CREG2: variants seen among roughly 807,000 people sequenced by gnomAD.
CREG2 encodes protein CREG2.
In CREG2, 24 loss-of-function variants were observed where a neutral mutation model predicts 26.2. The observed-to-expected ratio is 0.92, with a 90% CI of 0.66 to 1.29. CREG2 has a LOEUF of 1.29. CREG2 is among the 50% of genes most tolerant of loss of function. The probability of loss-of-function intolerance (pLI) is 0.00; values close to 1 mark genes in which losing one functional copy is unlikely to be tolerated. For synonymous variants in CREG2, 174 were observed against 169.2 expected, an observed-to-expected ratio of 1.03 and a Z score of -0.22; for missense variants, 366 against 398.6, an observed-to-expected ratio of 0.92 and a Z score of 0.70.
intron 2 of CREG2, among the ~76,000 whole-genome samples, chr2:101,372,654 T>G (rs1442649099): frequency 6.6e-6 from 1 of 152,210 alleles, no homozygotes; most frequent in African/African-American, 2.4e-5. Context: ...AATGTCAATA[T>G]TGAATCCTCA....
At chr2:101,361,587 T>C (rs1684540028) in intron 2 of CREG2, among the ~76,000 whole-genome samples, 1 of 152,228 alleles carries the variant, frequency 6.6e-6, no homozygotes, top group Non-Finnish European at 1.5e-5. Flanking sequence ...AAAAGGAACA[T>C]AGTTCTGCCA....
At chr2:101,353,964 C>A (rs1166944582) in intron 3 of CREG2, among the ~76,000 whole-genome samples, 1 of 151,938 alleles carries the variant, frequency 6.6e-6, no homozygotes, top group African/African-American at 2.4e-5. Flanking sequence ...CGGGGCCTGT[C>A]GGGGGGTGGA....
chr2:101,378,893 C>G (rs1386223878), intron 2 of CREG2, among the ~76,000 whole-genome samples: 2 of 151,968 alleles, frequency 1.3e-5, no homozygotes, highest in African/African-American at 4.8e-5. Context: ...GTAATCCCAG[C>G]TATTCAGGAC....
intron 2 of CREG2, among the ~76,000 whole-genome samples, chr2:101,357,093 T>C (rs1177170017): frequency 6.6e-6 from 1 of 152,222 alleles, no homozygotes; most frequent in African/African-American, 2.4e-5. Context: ...TTCACCATAT[T>C]GGCCAAGCTG....
intron 2 of CREG2, among the ~76,000 whole-genome samples, chr2:101,376,809 A>G (rs1329155648): frequency 1.3e-5 from 2 of 152,234 alleles, no homozygotes; most frequent in Non-Finnish European, 2.9e-5. Flanking sequence ...AATAATGGAC[A>G]GAGGGAAATA....
At position 101,382,344 on chromosome 2, in the gene CREG2, G is replaced by C. The variant is rs564546454; in HGVS notation, c.611+1189C>G. The C allele has an allele frequency of 1.4e-4, 39 of 277,182 alleles. No individual in the cohort carries two copies. The South Asian group carries it at 4.9e-3, about 35-fold the overall frequency. 17.2% of individuals were successfully genotyped at this position (277,182 alleles called of 1,614,324 possible). ...GAGGCAGGGAGAATTGCTTGAACCT[G>C]GGAGGCAGAGGTTCACGGTTGCAGT... On this transcript the variant is annotated intron_variant, in intron 2 of 3. Transcript: ENST00000324768.
At chr2:101,385,909 CTA>C (rs1558823470) in intron 1 of CREG2, among the ~76,000 whole-genome samples, 1 of 152,196 alleles carries the variant, frequency 6.6e-6, no homozygotes, top group African/African-American at 2.4e-5. Context: ...TGGCACGAGA[CTA>C]TTTAATTTCT....
In CREG2 at chr2:101,387,494, C is replaced by T; in HGVS notation, c.-37G>A. On this transcript the variant is annotated 5_prime_UTR_variant, in exon 1 of 4. Coordinates refer to ENST00000324768, the MANE Select transcript of CREG2 (RefSeq NM_153836.4). The surrounding 1 kb of genome is among the most constrained non-coding windows in gnomAD (Gnocchi z 4.7). ...CACGCCCGGCCGCCGGGGCCGCCAGCAGCGCTAGTGCCGGGGAGCCCGGCA... is the reference window on the plus strand; with the variant it reads ...CACGCCCGGCCGCCGGGGCCGCCAGTAGCGCTAGTGCCGGGGAGCCCGGCA... The T allele has an allele frequency of 1.3e-6, 1 of 794,094 alleles. No individual in the cohort carries two copies. The highest frequency in any genetic ancestry group is 1.7e-6 in the Non-Finnish European group (1 of 598,776). The allele number at this position is 794,094 out of a possible 1,614,324, so 49.2% of individuals were successfully genotyped here.
chr2:101,358,353 C>A (rs1684492296), intron 2 of CREG2, among the ~76,000 whole-genome samples: 3 of 152,132 alleles, frequency 2.0e-5, no homozygotes, highest in Admixed American at 6.5e-5. Flanking sequence ...CTCCCAGATC[C>A]AATCAGTCCC....
At position 101,355,335 on chromosome 2, in the gene CREG2, A is replaced by G; in HGVS notation, c.643T>C (p.Cys215Arg). The change falls in exon 3 of 4, where the codon TGT becomes CGT. Residue 215 changes from cysteine (C) to arginine (R), a missense_variant. By Grantham distance (180) the Cys-to-Arg change is radical. Coordinates refer to ENST00000324768, the MANE Select transcript of CREG2 (RefSeq NM_153836.4). Reference sequence around the variant, plus strand: ...TGGCCAGTGAGCGTTAACTGGACACATCGGGGATCTTCCGGATCAACGATG... The same window carrying G: ...TGGCCAGTGAGCGTTAACTGGACACGTCGGGGATCTTCCGGATCAACGATG... Reference protein sequence around the residue: ...KNIVDPEDPRCVQLTLTGQMI... With the variant: ...KNIVDPEDPRRVQLTLTGQMI... 1 of 1,613,940 alleles carries G rather than the reference A, an allele frequency of 6.2e-7. No homozygotes were observed. The highest frequency in any genetic ancestry group is 8.5e-7 in the Non-Finnish European group (1 of 1,179,794).
chr2:101,352,081 T>G (rs1684392758), intron 3 of CREG2, among the ~76,000 whole-genome samples: 1 of 151,848 alleles, frequency 6.6e-6, no homozygotes, highest in East Asian at 2.0e-4. Context: ...GCAGTCTCAC[T>G]ATGTTGCCCG....
In CREG2 at chr2:101,348,804, T is replaced by C. The variant is rs1684338246; in HGVS notation, c.*2119A>G. On this transcript the variant is annotated 3_prime_UTR_variant, in exon 4 of 4. Transcript: ENST00000324768. ...CTCTTTTTCTTGCCTTATTGCCATG[T>C]CTAGAACTTCCAGAACAGCCTCTAA... 1 of 152,212 alleles carries C rather than the reference T, an allele frequency of 6.6e-6. No individual in the cohort carries two copies. Among genetic ancestry groups the C allele is most frequent in the African/African-American group, 2.4e-5 (1 of 41,450 alleles). 9.4% of individuals were successfully genotyped at this position (152,212 alleles called of 1,614,324 possible).
chr2:101,383,582 T>C lies in CREG2; in HGVS notation c.562A>G (p.Asn188Asp), dbSNP rs567085520. The C allele has an allele frequency of 1.2e-6, 2 of 1,614,164 alleles. No homozygotes were observed. Among genetic ancestry groups the C allele is most frequent in the East Asian group, 4.5e-5 (2 of 44,886 alleles). ...GGCAGCATCAGCGAGGCCATGGGGTTCTTCATCAGATCAGCCACCACGGGG... is the reference window on the plus strand; with the variant it reads ...GGCAGCATCAGCGAGGCCATGGGGTCCTTCATCAGATCAGCCACCACGGGG... Reference protein sequence around the residue: ...KDPVVADLMKNPMASLMLPES... With the variant: ...KDPVVADLMKDPMASLMLPES... Residue 188 changes from asparagine to aspartate, a missense_variant, in exon 2 of 4, where the codon AAC becomes GAC. Transcript: ENST00000324768.
chr2:101,357,978 A>AG lies in CREG2; in HGVS notation c.612-2613_612-2612insC, dbSNP rs1316513269. ...GGCGACAGAGCGAGACTCCGTCTCA[A>AG]AAAAAAAAAAAAAAAGCTAGGCTAC... On this transcript the variant is annotated intron_variant, in intron 2 of 3. Transcript: ENST00000324768. Among the ~76,000 whole-genome samples, 64 of 18,850 alleles carry AG rather than the reference A, an allele frequency of 3.4e-3. 1 individual carries two copies. The highest frequency in any genetic ancestry group is 0.013 in the Non-Finnish European group (46 of 3,668). The allele number at this position is 18,850 out of a possible 152,430, so 12.4% of individuals were successfully genotyped here.
At chr2:101,369,053 G>A (rs1007715140) in intron 2 of CREG2, among the ~76,000 whole-genome samples, 8 of 152,214 alleles carry the variant, frequency 5.3e-5, no homozygotes, top group Non-Finnish European at 8.8e-5. Flanking sequence ...TTTAGGCTTC[G>A]CAGGATATGT....
At position 101,346,882 on chromosome 2, in the gene CREG2, T is replaced by C. The variant is rs185311530; in HGVS notation, c.*4041A>G. On this transcript the variant is annotated 3_prime_UTR_variant, in exon 4 of 4. Coordinates refer to ENST00000324768, the MANE Select transcript of CREG2 (RefSeq NM_153836.4). ...CATCTTGCTAAACTACAGTACAATA[T>C]CCCAACCAGGATTTTCACATTGATT... is the stretch of plus-strand genomic sequence containing the variant. 6.6e-6 allele frequency: 1 copy of C among 152,320 alleles called. No individual in the cohort carries two copies. The highest frequency in any genetic ancestry group is 2.4e-5 in the African/African-American group (1 of 41,574). 9.4% of individuals were successfully genotyped at this position (152,320 alleles called of 1,614,324 possible). A position where few individuals can be genotyped will look rare whatever the true frequency, so the allele number is the denominator to read the frequency against.
intron 2 of CREG2, among the ~76,000 whole-genome samples, chr2:101,369,661 AT>A (rs948220477): frequency 1.3e-5 from 2 of 152,108 alleles, no homozygotes; most frequent in African/African-American, 4.8e-5. Context: ...AAAGATGCGT[AT>A]TTCCATGTGC....
Position 101,348,484 on chromosome 2 carries a change from A to G in CREG2, c.*2439T>C, listed in dbSNP as rs957552618. ...TTAATTTCTTTTCTTAGCATTTAAA[A>G]ATTTTCACTACATAGGTCCTGGGTA... On this transcript the variant is annotated 3_prime_UTR_variant, in exon 4 of 4. Transcript: ENST00000324768. The G allele has an allele frequency of 6.6e-6, 1 of 152,130 alleles. No individual in the cohort carries two copies. The highest frequency in any genetic ancestry group is 2.4e-5 in the African/African-American group (1 of 41,420). 9.4% of individuals were successfully genotyped at this position (152,130 alleles called of 1,614,324 possible).
rs1299235289 is a variant in CREG2 at position 101,359,029 on chromosome 2, C to T, written c.612-3663G>A. The stretch of plus-strand genomic sequence containing the variant: ...CAGCCTGGGCGACAGAGCGAGACTC[C>T]GTCTCAAAAAAAAAAAAAAAAAAAA... On this transcript the variant is annotated intron_variant, in intron 2 of 3. Transcript: ENST00000324768. Among the ~76,000 whole-genome samples the T allele has an allele frequency of 4.3e-5, 3 of 69,734 alleles. 1 individual carries two copies. The highest frequency in any genetic ancestry group is 4.3e-4 in the East Asian group (1 of 2,346). 45.7% of individuals were successfully genotyped at this position (69,734 alleles called of 152,430 possible).
Sources: gnomAD v4.1 joint callset for allele counts (sites outside exome capture counted in the v4.1 genomes callset) on GRCh38, gnomAD v4.1.1 for gene constraint, Gnocchi (gnomAD v3.1) non-coding constraint, MANE v1.5 for transcripts, NCBI Gene and HGNC (gene_info 2026-07-23, HGNC 2026-07-21) for gene names.